Variants in ADAM23 observed in about 807,000 individuals in gnomAD.
ADAM23 encodes disintegrin and metalloproteinase domain-containing protein 23.
Under a neutral mutation model 120.1 loss-of-function variants are expected in ADAM23, and 33 were observed. The observed-to-expected ratio is 0.27, with a 90% CI of 0.21 to 0.37. The LOEUF (loss-of-function observed/expected upper bound fraction) is 0.37, where lower values mean the gene tolerates loss of function less well. Among genes scored for constraint, ADAM23 ranks in the 10% least tolerant of loss-of-function variants. ADAM23 has a pLI of 1.00. For synonymous variants in ADAM23, 367 were observed against 375.2 expected, an observed-to-expected ratio of 0.98 and a Z score of 0.25; for missense variants, 862 against 1,058.2, an observed-to-expected ratio of 0.81 and a Z score of 2.57.
intron 10 of ADAM23, among the ~76,000 whole-genome samples, 188 bp from the exon 11 acceptor site, chr2:206,559,767 G>A (rs1028067763): frequency 7.9e-5 from 12 of 152,156 alleles, no homozygotes; most frequent in Non-Finnish European, 1.6e-4. Flanking sequence ...ACCAAATTGT[G>A]TGATTGTTCT....
At chr2:206,496,467 CA>C (rs1696250294) in intron 3 of ADAM23, among the ~76,000 whole-genome samples, 1 of 151,874 alleles carries the variant, frequency 6.6e-6, no homozygotes. Context: ...AACAAAGACA[CA>C]AAAAACCAGA....
Position 206,594,746 on chromosome 2 carries a change from T to G in ADAM23, c.2088T>G (p.His696Gln). 1 of 1,614,140 alleles carries G rather than the reference T, an allele frequency of 6.2e-7. No homozygotes were observed. The highest frequency in any genetic ancestry group is 8.5e-7 in the Non-Finnish European group (1 of 1,180,004). Residue 696 changes from histidine to glutamine, a missense_variant, in exon 23 of 26, where the codon CAT becomes CAG. His to Gln is a conservative substitution (Grantham distance 24). This residue lies in a region of ADAM23 where 617 missense variants were observed against 813.5 expected (regional missense o/e 0.76). Transcript: ENST00000264377. ...ATCTTTCTTGTTTTAGTGGTGCCCA[T>G]GTAGTTTTAGATGATGATACGGATG... Reference protein sequence around the residue: ...QGRVIDCSGAHVVLDDDTDVG... With the variant: ...QGRVIDCSGAQVVLDDDTDVG...
intron 3 of ADAM23, among the ~76,000 whole-genome samples, chr2:206,530,105 G>A (rs1174919706): frequency 6.6e-6 from 1 of 152,082 alleles, no homozygotes; most frequent in East Asian, 1.9e-4. Context: ...CACCATGCCC[G>A]GCTTTGTTTT....
intron 2 of ADAM23, among the ~76,000 whole-genome samples, chr2:206,457,056 A>T (rs558910351): frequency 3.9e-5 from 6 of 152,338 alleles, no homozygotes; most frequent in African/African-American, 1.4e-4. Context: ...GAATCAATCA[A>T]TGCTTAAGAG....
intron 3 of ADAM23, among the ~76,000 whole-genome samples, chr2:206,509,729 G>A (rs1239214426): frequency 4.6e-5 from 7 of 152,228 alleles, no homozygotes; most frequent in Admixed American, 4.6e-4. Context: ...GATTACAGGT[G>A]TGAGCCACTG....
intron 17 of ADAM23, among the ~76,000 whole-genome samples, chr2:206,572,660 A>G (rs1476569561): frequency 6.6e-6 from 1 of 152,196 alleles, no homozygotes; most frequent in African/African-American, 2.4e-5. Context: ...GGTAATTCGT[A>G]TGAATTTATT....
intron 2 of ADAM23, among the ~76,000 whole-genome samples, chr2:206,475,566 C>T (rs1175236824): frequency 6.6e-6 from 1 of 151,318 alleles, no homozygotes; most frequent in Non-Finnish European, 1.5e-5. Flanking sequence ...TCTGTGCCTA[C>T]TGTTTTCGTA....
At chr2:206,594,702 T>A (rs1226793645) in intron 22 of ADAM23, 35 bp from the exon 23 acceptor site, 1 of 1,611,910 alleles carries the variant, frequency 6.2e-7, no homozygotes, top group Admixed American at 1.7e-5. Flanking sequence ...CTAAGTGTGG[T>A]GCAAATAGTT....
chr2:206,576,688 C>T (rs983205684), intron 18 of ADAM23, among the ~76,000 whole-genome samples: 2 of 152,066 alleles, frequency 1.3e-5, no homozygotes, highest in Admixed American at 6.6e-5. Flanking sequence ...AACATTATGA[C>T]TTTATCTCTT....
chr2:206,573,078 G>C (rs367922469), intron 17 of ADAM23, 37 bp from the exon 18 acceptor site: 66 of 1,596,214 alleles, frequency 4.1e-5, no homozygotes, highest in Middle Eastern at 1.7e-4. Context: ...GAAATATTAT[G>C]TAATGCTAAC....
At chr2:206,477,880 T>TAA (rs71034456) in intron 2 of ADAM23, among the ~76,000 whole-genome samples, 1,836 of 109,140 alleles carry the variant, frequency 0.017, 32 homozygotes, top group South Asian at 0.032. Context: ...AATATTCTGT[T>TAA]AAAAAAAAAA....
chr2:206,504,866 G>C (rs566373808), intron 3 of ADAM23, among the ~76,000 whole-genome samples: 1 of 152,122 alleles, frequency 6.6e-6, no homozygotes, highest in Admixed American at 6.5e-5. Flanking sequence ...ATATGTGTAA[G>C]CTGTAGATTA....
rs186060133 is a variant in ADAM23 at position 206,546,480 on chromosome 2, A to G, written c.721-949A>G. ...GCAAAACTGTTATAAGTTTTATGTAACCTATTAAGAAGTTTCTTTTTTATA... is the reference window on the plus strand; with the variant it reads ...GCAAAACTGTTATAAGTTTTATGTAGCCTATTAAGAAGTTTCTTTTTTATA... On this transcript the variant is annotated intron_variant, in intron 6 of 25. Coordinates refer to ENST00000264377, the MANE Select transcript of ADAM23 (RefSeq NM_003812.4). Among the ~76,000 whole-genome samples the G allele has an allele frequency of 5.8e-4, 88 of 152,270 alleles. No homozygotes were observed. In the East Asian group the frequency reaches 0.016, roughly 28 times the overall value.
chr2:206,525,027 A>T (rs1349415895), intron 3 of ADAM23, among the ~76,000 whole-genome samples: 1 of 152,186 alleles, frequency 6.6e-6, no homozygotes, highest in East Asian at 1.9e-4. Flanking sequence ...GGGTGACCAT[A>T]TGCCCCAGTT....
intron 4 of ADAM23, among the ~76,000 whole-genome samples, chr2:206,534,776 G>A (rs1472126886): frequency 6.6e-6 from 1 of 152,064 alleles, no homozygotes; most frequent in African/African-American, 2.4e-5. Flanking sequence ...TAGATGAAGT[G>A]CCTCCATCCC....
chr2:206,507,590 C>G (rs1008104428), intron 3 of ADAM23, among the ~76,000 whole-genome samples: 1 of 152,154 alleles, frequency 6.6e-6, no homozygotes, highest in African/African-American at 2.4e-5. Context: ...ATAAATTACT[C>G]AGGCTCAGGT....
rs1697436764 is a variant in ADAM23, at chr2:206,548,130, T to C, written c.794-151T>C. On this transcript the variant is annotated intron_variant, in intron 7 of 25. Coordinates refer to ENST00000264377, the MANE Select transcript of ADAM23 (RefSeq NM_003812.4). ...TACATTTGAACTATCTTTGTGGTCA[T>C]GAGAGTGTGAAATATATAATGATCA... 1.3e-5 allele frequency: 8 copies of C among 639,386 alleles called. No individual in the cohort carries two copies. In the South Asian group the frequency reaches 1.7e-4, roughly 14 times the overall value. The allele number at this position is 639,386 out of a possible 1,614,324, so 39.6% of individuals were successfully genotyped here.
chr2:206,494,719 A>G (rs954172342), intron 3 of ADAM23, among the ~76,000 whole-genome samples: 7 of 152,214 alleles, frequency 4.6e-5, no homozygotes, highest in Non-Finnish European at 1.0e-4. Flanking sequence ...CTTTTTTCCC[A>G]CTAGTATCTC....
chr2:206,469,223 G>A (rs1231053389), intron 2 of ADAM23, among the ~76,000 whole-genome samples: 1 of 152,146 alleles, frequency 6.6e-6, no homozygotes, highest in Non-Finnish European at 1.5e-5. Flanking sequence ...TATGTAATGT[G>A]CATATCAAAC....
Sources: gnomAD v4.1 joint callset for allele counts (sites outside exome capture counted in the v4.1 genomes callset) on GRCh38, gnomAD v4.1.1 for gene constraint, gnomAD v4.1.1 regional missense constraint, MANE v1.5 for transcripts, NCBI Gene and HGNC (gene_info 2026-07-23, HGNC 2026-07-21) for gene names.